Variants in FSTL4 observed in about 807,000 individuals in gnomAD.
FSTL4 encodes follistatin like 4.
A neutral mutation model predicts 78.2 loss-of-function variants in FSTL4; 28 were observed. The ratio of observed to expected loss-of-function variants is 0.36; its 90% confidence interval spans 0.27 to 0.49. The LOEUF is 0.49. FSTL4 is among the 20% of genes least tolerant of loss of function. The probability of loss-of-function intolerance (pLI) is 0.98; values close to 1 mark genes in which losing one functional copy is unlikely to be tolerated. For synonymous variants in FSTL4, 422 were observed against 440.5 expected, an observed-to-expected ratio of 0.96 and a Z score of 0.53; for missense variants, 922 against 1,084.9, an observed-to-expected ratio of 0.85 and a Z score of 2.11.
At chr5:133,614,809 G>A (rs1038983555), upstream of FSTL4, among the ~76,000 whole-genome samples, 4 of 152,124 alleles carry the variant, frequency 2.6e-5, no homozygotes, top group Non-Finnish European at 5.9e-5. Context: ...GAGCTAAAAG[G>A]AAACATAAAT....
intron 2 of FSTL4, among the ~76,000 whole-genome samples, chr5:133,595,155 C>G (rs1462766153): frequency 6.6e-6 from 1 of 152,218 alleles, no homozygotes; most frequent in African/African-American, 2.4e-5. Context: ...CAGAGCCAAG[C>G]AGGCCCTCAA....
chr5:133,452,445 T>G (rs1051246755), intron 3 of FSTL4, among the ~76,000 whole-genome samples: 1 of 152,224 alleles, frequency 6.6e-6, no homozygotes, highest in African/African-American at 2.4e-5. Context: ...AGCTAAGAGA[T>G]TTCTGTGCAG....
At chr5:133,793,037 A>G in the FSTL4 span, among the ~76,000 whole-genome samples, 3 of 152,168 alleles carry the variant, frequency 2.0e-5, no homozygotes, top group African/African-American at 4.8e-5. Flanking sequence ...TTGGAATTCT[A>G]TAAGTGCTTT....
At chr5:133,240,710 T>C (rs1032000137) in intron 7 of FSTL4, among the ~76,000 whole-genome samples, 2 of 152,236 alleles carry the variant, frequency 1.3e-5, no homozygotes, top group Non-Finnish European at 1.5e-5. Context: ...TCTTTGTGCA[T>C]GACTGTATTA....
At chr5:133,612,735 G>A (rs1295646307), upstream of FSTL4, among the ~76,000 whole-genome samples, 4 of 152,202 alleles carry the variant, frequency 2.6e-5, no homozygotes, top group East Asian at 7.8e-4. This position sits in a 1 kb window ranked among gnomAD's most constrained non-coding sequence, Gnocchi z 6.2. Context: ...GGAGGGAGGA[G>A]GGCCAGCGTA....
At chr5:133,548,191 T>C (rs1580781681) in intron 3 of FSTL4, among the ~76,000 whole-genome samples, 1 of 152,360 alleles carries the variant, frequency 6.6e-6, no homozygotes. Context: ...TGAGTCACTC[T>C]ATGAATTATC....
chr5:133,572,589 C>G (rs1760182781), intron 2 of FSTL4, among the ~76,000 whole-genome samples: 1 of 151,842 alleles, frequency 6.6e-6, no homozygotes, highest in Non-Finnish European at 1.5e-5. Flanking sequence ...GAATGTATAG[C>G]TATGCAAGAA....
intron 2 of FSTL4, among the ~76,000 whole-genome samples, chr5:133,595,407 A>C (rs557743442): frequency 1.3e-5 from 2 of 152,390 alleles, no homozygotes; most frequent in African/African-American, 4.8e-5. Flanking sequence ...CAAAAGGAAT[A>C]GTAAAAGATG....
the FSTL4 span, among the ~76,000 whole-genome samples, chr5:133,798,994 G>GCCTTTT: frequency 1.2e-5 from 1 of 86,912 alleles, no homozygotes; most frequent in African/African-American, 4.1e-5. Context: ...GGGAGGAAGG[G>GCCTTTT]AGGGAGAGAG....
chr5:133,541,687 T>C (rs73788138), intron 3 of FSTL4, among the ~76,000 whole-genome samples: 2,543 of 152,194 alleles, frequency 0.017, 71 homozygotes, highest in African/African-American at 0.057. Flanking sequence ...CCAGCATGAG[T>C]CCTTTAAGTT....
the FSTL4 span, among the ~76,000 whole-genome samples, chr5:133,712,972 C>T: frequency 6.6e-6 from 1 of 152,124 alleles, no homozygotes; most frequent in Non-Finnish European, 1.5e-5. Flanking sequence ...CTGAGCCCCA[C>T]TAGAAGGCCA....
At chr5:133,700,130 C>A in the FSTL4 span, among the ~76,000 whole-genome samples, 6 of 152,094 alleles carry the variant, frequency 3.9e-5, no homozygotes, top group East Asian at 1.2e-3. Context: ...CACCAAACCA[C>A]CACACCAAAA....
chr5:133,537,549 G>A (rs1759373541), intron 3 of FSTL4, among the ~76,000 whole-genome samples: 1 of 152,050 alleles, frequency 6.6e-6, no homozygotes, highest in Non-Finnish European at 1.5e-5. Context: ...TCACAGTTTT[G>A]TTTCTCTCTT....
chr5:133,702,100 G>C, the FSTL4 span, among the ~76,000 whole-genome samples: 2 of 152,290 alleles, frequency 1.3e-5, no homozygotes, highest in East Asian at 3.9e-4. Context: ...TGTCCCTAAG[G>C]AACACATTTT....
the FSTL4 span, among the ~76,000 whole-genome samples, chr5:133,817,302 ATGC>A: frequency 6.6e-6 from 1 of 152,238 alleles, no homozygotes; most frequent in African/African-American, 2.4e-5. Context: ...CTCCAAGGCC[ATGC>A]ACTTGTTATA....
At chr5:133,528,547 C>T (rs574449096) in intron 3 of FSTL4, among the ~76,000 whole-genome samples, 167 of 152,326 alleles carry the variant, frequency 1.1e-3, no homozygotes, top group Non-Finnish European at 1.9e-3. Flanking sequence ...GTGATTCCTC[C>T]TCCCTGAGCT....
At chr5:133,301,935 T>A (rs1307106886) in intron 6 of FSTL4, among the ~76,000 whole-genome samples, 1 of 152,044 alleles carries the variant, frequency 6.6e-6, no homozygotes. Context: ...TGCTGAGCGG[T>A]CCTCAGCTCA....
At chr5:133,763,615 T>C in the FSTL4 span, among the ~76,000 whole-genome samples, 57 of 152,180 alleles carry the variant, frequency 3.7e-4, no homozygotes, top group African/African-American at 1.4e-3. Context: ...TCCAGCACAT[T>C]CATCTGGGCC....
At chr5:133,663,622 C>A in the FSTL4 span, among the ~76,000 whole-genome samples, 1 of 152,166 alleles carries the variant, frequency 6.6e-6, no homozygotes. Context: ...TCATGACATG[C>A]CTTTCTGCTA....
Sources: allele counts gnomAD v4.1 joint callset (sites outside exome capture counted in the v4.1 genomes callset), GRCh38; gene constraint gnomAD v4.1.1; non-coding constraint Gnocchi (gnomAD v3.1); transcripts MANE v1.5; gene names NCBI Gene and HGNC (gene_info 2026-07-23, HGNC 2026-07-21).